AGTPBP1: variants seen among roughly 807,000 people sequenced by gnomAD.
The protein encoded by AGTPBP1 is cytosolic carboxypeptidase 1.
AGTPBP1 carries 70 observed loss-of-function variants against 143.9 expected under a neutral mutation model. The ratio of observed to expected loss-of-function variants is 0.49; its 90% CI spans 0.40 to 0.59. AGTPBP1 has a LOEUF of 0.59. Ranked by LOEUF, AGTPBP1 falls within the 20% of genes least tolerant of loss-of-function variation. The pLI, the probability that AGTPBP1 is intolerant of heterozygous loss-of-function variation, is 0.00. For missense variants in AGTPBP1, 1,229 were observed against 1,464.5 expected (o/e 0.84, Z 2.62); for synonymous variants, 463 against 500.2 (o/e 0.93, Z 0.99).
At chr9:85,589,505 G>T (rs764959965) in intron 20 of AGTPBP1, 23 bp downstream of exon 20, 3 of 1,589,372 alleles carry the variant, frequency 1.9e-6, no homozygotes, top group Admixed American at 1.8e-5. Context: ...GACTGCTATT[G>T]TGAGTTGGGA....
At chr9:85,756,365 T>A in the AGTPBP1 span, 1 of 1,120,498 alleles carries the variant, frequency 8.9e-7, no homozygotes. Context: ...GTGGAGAAAT[T>A]GGGACCTTCA....
intron 14 of AGTPBP1, 123 bp downstream of exon 14, chr9:85,632,539 A>T (rs537650516): frequency 4.2e-4 from 366 of 881,012 alleles, no homozygotes; most frequent in Non-Finnish European, 5.6e-4. Flanking sequence ...AGCAGAATTT[A>T]AAAATACAGT....
intron 2 of AGTPBP1, among the ~76,000 whole-genome samples, chr9:85,708,633 G>T (rs1299931407): frequency 6.6e-6 from 1 of 152,144 alleles, no homozygotes; most frequent in African/African-American, 2.4e-5. Flanking sequence ...TGTCACCTGG[G>T]TTCAAGCAAT....
At chr9:85,703,134 C>T (rs1440731789) in intron 2 of AGTPBP1, among the ~76,000 whole-genome samples, 1 of 152,216 alleles carries the variant, frequency 6.6e-6, no homozygotes, top group Non-Finnish European at 1.5e-5. Context: ...GCAGCCTTTA[C>T]ATGTATTGCT....
chr9:85,692,481 G>C (rs1835944236), intron 3 of AGTPBP1, among the ~76,000 whole-genome samples: 1 of 151,620 alleles, frequency 6.6e-6, no homozygotes. Flanking sequence ...CACCATATTG[G>C]CCAGGCTGGT....
chr9:85,698,833 C>T (rs1278752359), intron 2 of AGTPBP1, among the ~76,000 whole-genome samples: 3 of 151,684 alleles, frequency 2.0e-5, no homozygotes, highest in Non-Finnish European at 2.9e-5. Context: ...GCTGGGACTA[C>T]AGGCGCCTGC....
chr9:85,617,481 T>C (rs189531958), intron 17 of AGTPBP1, among the ~76,000 whole-genome samples: 2 of 152,322 alleles, frequency 1.3e-5, no homozygotes, highest in South Asian at 2.1e-4. Context: ...CATACAAGTA[T>C]GTCATTTTCC....
In AGTPBP1 at chr9:85,733,646, A is replaced by G. The variant is rs117679479; in HGVS notation, c.-34+8129T>C. Among the ~76,000 whole-genome samples, 54 of 152,292 alleles carry G rather than the reference A, an allele frequency of 3.5e-4. 1 individual carries two copies. The East Asian group carries it at 8.7e-3, about 24-fold the overall frequency. Reference sequence around the variant, plus strand: ...AATAATTAAAATAGAGACTAGAAAAACAATAAAGAAATCAACAAAACCAAA... The same window carrying G: ...AATAATTAAAATAGAGACTAGAAAAGCAATAAAGAAATCAACAAAACCAAA... On this transcript the variant is annotated intron_variant, in intron 1 of 25. Transcript: ENST00000357081.
chr9:85,695,851 T>C (rs1316083991), intron 2 of AGTPBP1, among the ~76,000 whole-genome samples: 1 of 152,038 alleles, frequency 6.6e-6, no homozygotes. Flanking sequence ...TTTTACTTTT[T>C]TTTTTTTTCA....
the AGTPBP1 span, among the ~76,000 whole-genome samples, chr9:85,783,924 G>A: frequency 4.6e-5 from 7 of 152,044 alleles, no homozygotes; most frequent in African/African-American, 1.7e-4. Flanking sequence ...CGTGCCCAGC[G>A]GTTCAGTGGG....
intron 1 of AGTPBP1, among the ~76,000 whole-genome samples, chr9:85,723,403 G>A (rs182392500): frequency 2.6e-5 from 4 of 152,278 alleles, no homozygotes; most frequent in Middle Eastern, 6.8e-3. Context: ...CAGCAATGGC[G>A]GACGCCCCTC....
the AGTPBP1 span, chr9:85,753,433 A>G: frequency 6.2e-7 from 1 of 1,613,502 alleles, no homozygotes. Flanking sequence ...TGTCAATTCT[A>G]TTTAGCGTTT....
chr9:85,779,015 T>C, the AGTPBP1 span, among the ~76,000 whole-genome samples: 40 of 151,916 alleles, frequency 2.6e-4, no homozygotes, highest in African/African-American at 9.2e-4. Context: ...AGGAGTAGAG[T>C]CCTTAGCATT....
chr9:85,591,515 CACAATCAGTAAAGA>C (rs1828966662), intron 19 of AGTPBP1, among the ~76,000 whole-genome samples: 1 of 152,016 alleles, frequency 6.6e-6, no homozygotes, highest in Non-Finnish European at 1.5e-5. Context: ...TATTAAAAGG[CACAATCAGTAAAGA>C]ACAATAACAT....
the AGTPBP1 span, among the ~76,000 whole-genome samples, chr9:85,801,952 G>A: frequency 2.8e-3 from 425 of 152,274 alleles, 2 homozygotes; most frequent in South Asian, 0.021. Flanking sequence ...ATGTATGTAT[G>A]TATGTATAAT....
At chr9:85,706,608 C>G (rs1418843490) in intron 2 of AGTPBP1, among the ~76,000 whole-genome samples, 1 of 151,950 alleles carries the variant, frequency 6.6e-6, no homozygotes, top group Non-Finnish European at 1.5e-5. Flanking sequence ...CAGTGGCTCA[C>G]GCCTGTAATC....
At chr9:85,620,003 TAATTA>T (rs1247095027) in intron 15 of AGTPBP1, among the ~76,000 whole-genome samples, 2 of 152,158 alleles carry the variant, frequency 1.3e-5, no homozygotes, top group Non-Finnish European at 2.9e-5. Context: ...AATGTTGAAA[TAATTA>T]AATAAATAAG....
rs555090828 is a variant in AGTPBP1, at chr9:85,733,994, C to A, written c.-34+7781G>T. ...ACAGGCTGGGCACGGTGGCTCACGC[C>A]TGTAATCCCAGCACTTTGGGAGGCC... On this transcript the variant is annotated intron_variant, in intron 1 of 25. Coordinates refer to ENST00000357081, the MANE Select transcript of AGTPBP1 (RefSeq NM_001330701.2). Among the ~76,000 whole-genome samples the A allele has an allele frequency of 9.2e-5, 14 of 152,340 alleles. No individual in the cohort carries two copies. In the East Asian group the frequency reaches 1.5e-3, roughly 17 times the overall value.
chr9:85,727,822 G>C (rs1264166670), intron 1 of AGTPBP1, among the ~76,000 whole-genome samples: 1 of 151,966 alleles, frequency 6.6e-6, no homozygotes, highest in Non-Finnish European at 1.5e-5. Context: ...TTCTGGACCA[G>C]CCTGGGTAAC....
Sources: allele counts gnomAD v4.1 joint callset (sites outside exome capture counted in the v4.1 genomes callset), GRCh38; gene constraint gnomAD v4.1.1; transcripts MANE v1.5; gene names NCBI Gene and HGNC (gene_info 2026-07-23, HGNC 2026-07-21).